FARP1: variants seen among roughly 807,000 people sequenced by gnomAD.
FARP1 encodes FERM, ARHGEF and pleckstrin domain-containing protein 1.
FARP1 carries 52 observed loss-of-function variants against 128.8 expected under a neutral mutation model. The observed-to-expected ratio is 0.40, with a 90% confidence interval of 0.32 to 0.51. The LOEUF (loss-of-function observed/expected upper bound fraction) is 0.51, where lower values mean the gene tolerates loss of function less well. FARP1 is among the 20% of genes least tolerant of loss of function. The pLI is 0.45. For missense variants in FARP1, 1,333 were observed against 1,367.9 expected, an observed-to-expected ratio of 0.97 and a Z score of 0.40; for synonymous variants, 580 against 551.8, an observed-to-expected ratio of 1.05 and a Z score of -0.72.
At chr13:98,202,763 G>A (rs1238462257) in intron 1 of FARP1, among the ~76,000 whole-genome samples, 3 of 151,406 alleles carry the variant, frequency 2.0e-5, no homozygotes, top group South Asian at 4.2e-4. Context: ...TTTGTTGCCC[G>A]GATTGGAGTG....
intron 2 of FARP1, among the ~76,000 whole-genome samples, chr13:98,242,540 G>C (rs1033058438): frequency 3.9e-5 from 6 of 152,042 alleles, no homozygotes; most frequent in African/African-American, 1.4e-4. Flanking sequence ...GTAGCCACGT[G>C]TGGTGCTGTG....
intron 3 of FARP1, among the ~76,000 whole-genome samples, chr13:98,349,267 T>G (rs1566905584): frequency 6.6e-6 from 1 of 152,198 alleles, no homozygotes; most frequent in Non-Finnish European, 1.5e-5. Context: ...TACTTTACAA[T>G]GATGAGCCCA....
At chr13:98,201,258 C>T (rs1879924254) in intron 1 of FARP1, among the ~76,000 whole-genome samples, 1 of 152,194 alleles carries the variant, frequency 6.6e-6, no homozygotes, top group Admixed American at 6.5e-5. Flanking sequence ...GCCTGGCTAA[C>T]ATAACCAGAC....
At chr13:98,148,906 G>A (rs751318579) in intron 1 of FARP1, among the ~76,000 whole-genome samples, 1 of 149,916 alleles carries the variant, frequency 6.7e-6, no homozygotes, top group Non-Finnish European at 1.5e-5. Flanking sequence ...TTTTTTTTGA[G>A]TCAGGTTCTC....
In FARP1 at chr13:98,318,557, C is replaced by G. The variant is rs554785646; in HGVS notation, c.172-25205C>G. On this transcript the variant is annotated intron_variant, in intron 2 of 26. Coordinates refer to ENST00000319562, the MANE Select transcript of FARP1 (RefSeq NM_005766.4). The stretch of plus-strand genomic sequence containing the variant: ...CTCACTTAATCAGGGAAGATGTGAC[C>G]AAGGATGAGAGCCACAGGCTGCCCT... Among the ~76,000 whole-genome samples the G allele has an allele frequency of 4.6e-5, 7 of 152,314 alleles. No individual in the cohort carries two copies. In the South Asian group the frequency reaches 1.5e-3, roughly 32 times the overall value.
intron 2 of FARP1, among the ~76,000 whole-genome samples, chr13:98,323,678 C>CT (rs938781844): frequency 6.6e-6 from 1 of 151,990 alleles, no homozygotes; most frequent in African/African-American, 2.4e-5. Context: ...TGGTCATTAA[C>CT]TTTTTACTTT....
chr13:98,352,083 G>A (rs150327394), intron 3 of FARP1, among the ~76,000 whole-genome samples: 44 of 152,200 alleles, frequency 2.9e-4, no homozygotes, highest in Non-Finnish European at 4.4e-4. Context: ...ACCCAAGGCC[G>A]TACATAAAGA....
Position 98,431,102 on chromosome 13 carries a change from C to T in FARP1, c.1965C>T (p.Ile655=), listed in dbSNP as rs1891997046. 8 of 1,614,168 alleles carry T rather than the reference C, an allele frequency of 5.0e-6. No homozygotes were observed. The highest frequency in any genetic ancestry group is 6.8e-6 in the Non-Finnish European group (8 of 1,180,028). Residue 655 remains isoleucine (I), a synonymous_variant, in exon 18 of 27, where the codon ATC becomes ATT. Transcript: ENST00000319562. ...CCTTGGAGGCCCTGGAGAATGGAAT[C>T]AAGAGCTCCCGGCGGCTGGAGAACT... ...SEALEALENG[I]KSSRRLENFC...
At chr13:98,395,119 G>A (rs1230367078) in intron 12 of FARP1, 108 bp from the exon 13 acceptor site, 6 of 1,344,354 alleles carry the variant, frequency 4.5e-6, no homozygotes, top group Admixed American at 2.5e-5. Flanking sequence ...TTCTCCCGCC[G>A]CAGAGGCCTC....
At chr13:98,372,931 T>TCAGTGGACAGTACTAAAGGTGTTG (rs1889410963) in intron 5 of FARP1, among the ~76,000 whole-genome samples, 1 of 152,228 alleles carries the variant, frequency 6.6e-6, no homozygotes, top group Non-Finnish European at 1.5e-5. Flanking sequence ...TGGAATTGCT[T>TCAGTGGACAGTACTAAAGGTGTTG]CAGTGGACAG....
chr13:98,237,867 G>A (rs892800038), intron 2 of FARP1, among the ~76,000 whole-genome samples: 4 of 152,056 alleles, frequency 2.6e-5, no homozygotes, highest in Non-Finnish European at 4.4e-5. Flanking sequence ...TCAAGTGGTC[G>A]CTATGGCTAC....
chr13:98,358,900 G>T (rs778637639), intron 3 of FARP1, among the ~76,000 whole-genome samples: 16 of 152,256 alleles, frequency 1.1e-4, no homozygotes, highest in Non-Finnish European at 1.9e-4. Flanking sequence ...GCCTCCCAAA[G>T]TGCTGGAATT....
chr13:98,325,637 C>T (rs1363640281), intron 2 of FARP1, among the ~76,000 whole-genome samples: 1 of 152,208 alleles, frequency 6.6e-6, no homozygotes. Context: ...CTAGATTACA[C>T]AGCCGTGACA....
Position 98,390,073 on chromosome 13 carries a change from A to AAAGCCC in FARP1, c.979_984dup (p.Lys327_Pro328dup). ...TTAGACTTTTTGAAGAGCCCAAACC[A>AAAGCCC]AAGCCCAAGCCCGTCCTCTTTAGCC... On this transcript the variant is annotated inframe_insertion, in exon 10 of 27. Coordinates refer to ENST00000319562, the MANE Select transcript of FARP1 (RefSeq NM_005766.4). The AAAGCCC allele has an allele frequency of 1.9e-6, 3 of 1,614,168 alleles. No homozygotes were observed. The highest frequency in any genetic ancestry group is 1.7e-6 in the Non-Finnish European group (2 of 1,180,030).
chr13:98,412,499 A>G (rs1396409719), intron 16 of FARP1, among the ~76,000 whole-genome samples: 1 of 152,232 alleles, frequency 6.6e-6, no homozygotes. Flanking sequence ...GTGCATGCGC[A>G]CACACACACT....
chr13:98,421,518 C>T (rs1182671644), intron 16 of FARP1, among the ~76,000 whole-genome samples: 1 of 152,168 alleles, frequency 6.6e-6, no homozygotes, highest in East Asian at 1.9e-4. Flanking sequence ...TGTATGTTCT[C>T]AAATGGCAGA....
intron 2 of FARP1, among the ~76,000 whole-genome samples, chr13:98,340,107 T>C (rs963150403): frequency 6.6e-6 from 1 of 151,982 alleles, no homozygotes; most frequent in Non-Finnish European, 1.5e-5. Context: ...TTTTGAGATT[T>C]CTAGTATTGA....
chr13:98,368,118 G>A lies in FARP1; in HGVS notation c.321G>A (p.Arg107=), dbSNP rs1317768426. Reference sequence around the variant, plus strand: ...ACTTCTTTTTTTCTTCTTCTTTAGGGCCAAAGCACGTTGTTGTTAAGTTTG... The same window carrying A: ...ACTTCTTTTTTTCTTCTTCTTTAGGACCAAAGCACGTTGTTGTTAAGTTTG... ...LLKPIVKQIR[R]PKHVVVKFVV... Residue 107 remains arginine (R), a splice_region_variant and synonymous_variant, in exon 5 of 27, where the codon AGG becomes AGA. Coordinates refer to ENST00000319562, the MANE Select transcript of FARP1 (RefSeq NM_005766.4). 5 of 1,612,784 alleles carry A rather than the reference G, an allele frequency of 3.1e-6. No homozygotes were observed. The Middle Eastern group carries it at 5.0e-4, about 160-fold the overall frequency.
intron 5 of FARP1, among the ~76,000 whole-genome samples, chr13:98,370,919 C>T (rs1227561297): frequency 2.4e-4 from 36 of 152,276 alleles, no homozygotes; most frequent in Admixed American, 2.4e-3. Context: ...GGAGGGACAG[C>T]CCGAGCTGCT....
Sources: gnomAD v4.1 joint callset for allele counts (sites outside exome capture counted in the v4.1 genomes callset) on GRCh38, gnomAD v4.1.1 for gene constraint, MANE v1.5 for transcripts, NCBI Gene and HGNC (gene_info 2026-07-23, HGNC 2026-07-21) for gene names.